PCDHGA9: variants seen among roughly 807,000 people sequenced by gnomAD.
PCDHGA9 encodes protocadherin gamma-A9.
In PCDHGA9, 37 loss-of-function variants were observed where a neutral mutation model predicts 62.5. The ratio of observed to expected loss-of-function variants is 0.59; its 90% CI spans 0.46 to 0.78. The LOEUF (loss-of-function observed/expected upper bound fraction) is 0.78. Among genes scored for constraint, PCDHGA9 ranks in the 30% least tolerant of loss-of-function variants. The probability of loss-of-function intolerance (pLI) is 0.00; values close to 1 mark genes in which losing one functional copy is unlikely to be tolerated. For missense variants in PCDHGA9, 1,138 were observed against 1,166.2 expected, an observed-to-expected ratio of 0.98 and a Z score of 0.35; for synonymous variants, 459 against 484.6, an observed-to-expected ratio of 0.95 and a Z score of 0.69.
At chr5:141,430,874 C>A in intron 1 of PCDHGA9, 2 of 1,598,990 alleles carry the variant, frequency 1.3e-6, no homozygotes, top group East Asian at 4.5e-5. Context: ...TCCGGAAGAG[C>A]TGGAGAAAGG....
rs1350353768 is a variant in PCDHGA9, at chr5:141,476,524, T to A, written c.2425-18283T>A. Reference sequence around the variant, plus strand: ...TCAACGACAACAATCCTGCTTTCCCTACCCAGGAAATGAAATTGGAGATTA... The same window carrying A: ...TCAACGACAACAATCCTGCTTTCCCAACCCAGGAAATGAAATTGGAGATTA... On this transcript the variant is annotated intron_variant, in intron 1 of 3. Coordinates refer to ENST00000573521, the MANE Select transcript of PCDHGA9 (RefSeq NM_018921.3). The surrounding 1 kb of genome is among the most constrained non-coding windows in gnomAD (Gnocchi z 7.6). The A allele has an allele frequency of 1.2e-5, 20 of 1,614,064 alleles. No homozygotes were observed. The highest frequency in any genetic ancestry group is 1.7e-5 in the Non-Finnish European group (20 of 1,180,036).
Position 141,486,683 on chromosome 5 carries a change from G to T in PCDHGA9, c.2425-8124G>T. The T allele has an allele frequency of 6.2e-7, 1 of 1,614,092 alleles. No homozygotes were observed. Among genetic ancestry groups the T allele is most frequent in the Non-Finnish European group, 8.5e-7 (1 of 1,180,026 alleles). ...GGAGCCCAGGAATCGAGATGTATCA[G>T]CTTCCTCTTTCATCTCTCTGAACCC... On this transcript the variant is annotated intron_variant, in intron 1 of 3. Transcript: ENST00000573521. This position sits in a 1 kb window ranked among gnomAD's most constrained non-coding sequence, Gnocchi z 5.0.
chr5:141,446,578 GTGAT>G (rs2098507706), intron 1 of PCDHGA9, among the ~76,000 whole-genome samples: 1 of 152,064 alleles, frequency 6.6e-6, no homozygotes, highest in African/African-American at 2.4e-5. Context: ...CCAGGTTCAA[GTGAT>G]TCTTCTGCCT....
intron 1 of PCDHGA9, chr5:141,440,348 C>G (rs2098169693): frequency 6.6e-6 from 1 of 152,190 alleles, no homozygotes; most frequent in South Asian, 2.1e-4. Flanking sequence ...GGCCTATAAT[C>G]CTAGCTACTC....
intron 1 of PCDHGA9, chr5:141,419,776 C>T (rs965350189): frequency 1.2e-6 from 2 of 1,614,026 alleles, no homozygotes; most frequent in Admixed American, 1.7e-5. Context: ...ACTCGGTCCG[C>T]CAGCGCCTGC....
In PCDHGA9 at chr5:141,485,636, G is replaced by A. The variant is rs371040974; in HGVS notation, c.2425-9171G>A. The A allele has an allele frequency of 6.2e-7, 1 of 1,611,922 alleles. No homozygotes were observed. The highest frequency in any genetic ancestry group is 1.1e-5 in the South Asian group (1 of 90,964). On this transcript the variant is annotated intron_variant, in intron 1 of 3. Transcript: ENST00000573521. This position sits in a 1 kb window ranked among gnomAD's most constrained non-coding sequence, Gnocchi z 5.7. ...TCCTCCAGGACAGCGTTTCCCGTTG[G>A]AAAAGGCTCAGGATGCAGATGTGGG...
rs980944782 is a variant in PCDHGA9 at position 141,487,625 on chromosome 5, T to C, written c.2425-7182T>C. On this transcript the variant is annotated intron_variant, in intron 1 of 3. Coordinates refer to ENST00000573521, the MANE Select transcript of PCDHGA9 (RefSeq NM_018921.3). This position sits in a 1 kb window ranked among gnomAD's most constrained non-coding sequence, Gnocchi z 5.0. ...TCTCTATGGGCTAGAGGTGAGACCT[T>C]TGCAGGCTCAACAAATGCTTGAGGG... 4 of 1,614,090 alleles carry C rather than the reference T, an allele frequency of 2.5e-6. No homozygotes were observed. Among genetic ancestry groups the C allele is most frequent in the Admixed American group, 3.3e-5 (2 of 60,004 alleles).
intron 1 of PCDHGA9, among the ~76,000 whole-genome samples, chr5:141,450,233 G>A (rs2098674391): frequency 6.6e-6 from 1 of 152,026 alleles, no homozygotes; most frequent in Non-Finnish European, 1.5e-5. Flanking sequence ...GGCCAGGCTA[G>A]TCTTGAACTC....
Position 141,403,080 on chromosome 5 carries a change from A to G in PCDHGA9, c.128A>G (p.Tyr43Cys). 2 of 1,614,078 alleles carry G rather than the reference A, an allele frequency of 1.2e-6. No homozygotes were observed. The highest frequency in any genetic ancestry group is 1.7e-6 in the Non-Finnish European group (2 of 1,179,908). The stretch of plus-strand genomic sequence containing the variant: ...GTGCCTGAAGAGACAGAAAAGGGCT[A>G]TATTGTGGGCAACATCTCCAAGGAC... ...YSVPEETEKG[Y>C]IVGNISKDLA... Residue 43 changes from tyrosine to cysteine, a missense_variant, in exon 1 of 4, where the codon TAT (tyrosine) becomes TGT (cysteine). Transcript: ENST00000573521.
chr5:141,480,240 C>CAA (rs11374694), intron 1 of PCDHGA9, among the ~76,000 whole-genome samples: 156 of 114,060 alleles, frequency 1.4e-3, no homozygotes, highest in Admixed American at 4.6e-3. Flanking sequence ...CCTGTCTCTA[C>CAA]AAAAAAAAAA....
In PCDHGA9 at chr5:141,485,433, A is replaced by G. The variant is rs2099613324; in HGVS notation, c.2425-9374A>G. On this transcript the variant is annotated intron_variant, in intron 1 of 3. Transcript: ENST00000573521. The surrounding 1 kb of genome is among the most constrained non-coding windows in gnomAD (Gnocchi z 5.7). The stretch of plus-strand genomic sequence containing the variant: ...TTGGACAGCGGAGCCCTGCTCATCA[A>G]GAACCCAATCGACCGAGAGGCACTG... 6 of 1,614,208 alleles carry G rather than the reference A, an allele frequency of 3.7e-6. No homozygotes were observed. Among genetic ancestry groups the G allele is most frequent in the Non-Finnish European group, 5.1e-6 (6 of 1,180,030 alleles).
At chr5:141,414,279 A>C in intron 1 of PCDHGA9, 1 of 1,613,350 alleles carries the variant, frequency 6.2e-7, no homozygotes, top group Non-Finnish European at 8.5e-7. Flanking sequence ...CTCTGGGAAC[A>C]GTCGTAGCCC....
chr5:141,511,082 C>T lies in PCDHGA9; in HGVS notation c.2708C>T (p.Thr903Ile). Residue 903 changes from threonine to isoleucine, a missense_variant, in exon 4 of 4, where the codon ACA (threonine) becomes ATA (isoleucine). By Grantham distance (89) the Thr-to-Ile change is moderately conservative. Transcript: ENST00000573521. ...QNVYIPGSNA[T>I]LTNAAGKRDG... ...GTCTACATCCCAGGCAGCAATGCCA[C>T]ACTGACCAACGCAGCTGGCAAGCGG... 1 of 1,614,224 alleles carries T rather than the reference C, an allele frequency of 6.2e-7. No individual in the cohort carries two copies. Among genetic ancestry groups the T allele is most frequent in the Non-Finnish European group, 8.5e-7 (1 of 1,180,028 alleles).
chr5:141,409,416 T>G (rs770750853), intron 1 of PCDHGA9: 1 of 1,613,964 alleles, frequency 6.2e-7, no homozygotes, highest in South Asian at 1.1e-5. Flanking sequence ...TACAAACTGG[T>G]GACAGATGGA....
In PCDHGA9 at chr5:141,512,237, G is replaced by A. The variant is rs2099884134; in HGVS notation, c.*1064G>A. ...AGGACCAGGTCCCCTTGAGAGGTCA[G>A]AGGGGCCTCTGTGGGTGCTGGGTAC... On this transcript the variant is annotated 3_prime_UTR_variant, in exon 4 of 4. Transcript: ENST00000573521. 1 of 152,774 alleles carries A rather than the reference G, an allele frequency of 6.5e-6. No homozygotes were observed. The highest frequency in any genetic ancestry group is 1.5e-5 in the Non-Finnish European group (1 of 68,148). The allele number at this position is 152,774 out of a possible 1,614,324, so 9.5% of individuals were successfully genotyped here.
intron 1 of PCDHGA9, among the ~76,000 whole-genome samples, chr5:141,457,975 C>T (rs2098934043): frequency 6.6e-6 from 1 of 152,202 alleles, no homozygotes; most frequent in South Asian, 2.1e-4. Context: ...AAGGGAAACA[C>T]ACCCTTTCAG....
chr5:141,474,721 A>T (rs942537231), intron 1 of PCDHGA9, among the ~76,000 whole-genome samples: 10 of 152,214 alleles, frequency 6.6e-5, no homozygotes, highest in African/African-American at 1.7e-4. Flanking sequence ...CTTCAAAAGG[A>T]CTCTATGCAA....
chr5:141,428,223 A>C (rs539110667), intron 1 of PCDHGA9: 30 of 1,169,680 alleles, frequency 2.6e-5, no homozygotes, highest in Admixed American at 2.5e-4. Flanking sequence ...TAGTCTTCGC[A>C]GACAGCCTGC....
At chr5:141,430,716 G>T (rs1327065498) in intron 1 of PCDHGA9, 2 of 1,487,962 alleles carry the variant, frequency 1.3e-6, no homozygotes, top group African/African-American at 2.8e-5. Context: ...CCTGACTTCA[G>T]TGGTTAAGGG....
Sources: gnomAD v4.1 joint callset for allele counts (sites outside exome capture counted in the v4.1 genomes callset) on GRCh38, gnomAD v4.1.1 for gene constraint, Gnocchi (gnomAD v3.1) non-coding constraint, MANE v1.5 for transcripts, NCBI Gene and HGNC (gene_info 2026-07-23, HGNC 2026-07-21) for gene names.